Variants in NFIA observed in about 807,000 individuals in gnomAD.
The protein encoded by NFIA is nuclear factor I A, also known as nuclear factor 1 A-type.
NFIA carries 8 observed loss-of-function variants against 62.8 expected under a neutral mutation model. The observed-to-expected ratio is 0.13, with a 90% confidence interval of 0.07 to 0.23. The LOEUF (loss-of-function observed/expected upper bound fraction) is 0.23, where lower values mean the gene tolerates loss of function less well. Among genes scored for constraint, NFIA ranks in the 10% least tolerant of loss-of-function variants. The pLI is 1.00. For missense variants in NFIA, 410 were observed against 642.1 expected (o/e 0.64, Z 3.91); for synonymous variants, 235 against 238.1 (o/e 0.99, Z 0.12).
intron 2 of NFIA, among the ~76,000 whole-genome samples, chr1:61,103,490 A>C (rs1157179762): frequency 6.6e-6 from 1 of 152,072 alleles, no homozygotes; most frequent in Non-Finnish European, 1.5e-5. Flanking sequence ...TAATAAAACT[A>C]TTTGTCTACA....
intron 2 of NFIA, among the ~76,000 whole-genome samples, chr1:61,249,729 C>T (rs1014973124): frequency 4.6e-5 from 7 of 152,038 alleles, no homozygotes; most frequent in Admixed American, 1.3e-4. Context: ...TGCTTGAACC[C>T]GGGAGGCGGA....
chr1:61,157,602 C>CT (rs1491165016), intron 2 of NFIA, among the ~76,000 whole-genome samples: 3 of 152,014 alleles, frequency 2.0e-5, no homozygotes, highest in East Asian at 3.9e-4. Flanking sequence ...TAAATTAAAC[C>CT]TTTTTTTGGA....
At chr1:61,303,048 T>C (rs1225300155) in intron 3 of NFIA, among the ~76,000 whole-genome samples, 1 of 152,218 alleles carries the variant, frequency 6.6e-6, no homozygotes, top group Non-Finnish European at 1.5e-5. Context: ...AAATGGTTTT[T>C]TCCTATTTTG....
intron 2 of NFIA, among the ~76,000 whole-genome samples, chr1:61,126,709 GT>G (rs1361344028): frequency 3.3e-5 from 5 of 150,646 alleles, no homozygotes; most frequent in African/African-American, 1.2e-4. Flanking sequence ...AGTTTCTGAA[GT>G]TGCATGCAGA....
intron 4 of NFIA, among the ~76,000 whole-genome samples, chr1:61,348,593 G>A (rs1291222321): frequency 6.6e-6 from 1 of 152,128 alleles, no homozygotes; most frequent in African/African-American, 2.4e-5. Flanking sequence ...ACATCTGGAA[G>A]GTGGGCACAC....
At chr1:61,304,451 T>A (rs1166368868) in intron 3 of NFIA, among the ~76,000 whole-genome samples, 2 of 152,224 alleles carry the variant, frequency 1.3e-5, no homozygotes, top group Non-Finnish European at 2.9e-5. Flanking sequence ...GAATTCCTTT[T>A]CAAAGAGCTG....
intron 7 of NFIA, among the ~76,000 whole-genome samples, chr1:61,390,168 C>T (rs1440193953): frequency 6.6e-6 from 1 of 152,178 alleles, no homozygotes; most frequent in Non-Finnish European, 1.5e-5. Context: ...CAAGTCCAGA[C>T]ACACAGGAGA....
intron 2 of NFIA, among the ~76,000 whole-genome samples, chr1:61,271,194 T>C (rs534339883): frequency 7.7e-4 from 118 of 152,336 alleles, no homozygotes; most frequent in Non-Finnish European, 9.0e-4. Context: ...ACAATAGTTA[T>C]GCCATTTCAT....
At chr1:61,319,728 G>C (rs529932355) in intron 3 of NFIA, among the ~76,000 whole-genome samples, 1 of 151,358 alleles carries the variant, frequency 6.6e-6, no homozygotes, top group Admixed American at 6.6e-5. Flanking sequence ...AGATTTGAAG[G>C]GGCTGAAGAA....
intron 3 of NFIA, among the ~76,000 whole-genome samples, chr1:61,325,221 T>C (rs765305799): frequency 3.3e-5 from 5 of 152,228 alleles, no homozygotes; most frequent in Non-Finnish European, 7.3e-5. Context: ...ATTAATAATA[T>C]CTGAATTTGG....
At chr1:61,443,318 T>C (rs1175849984) in intron 10 of NFIA, among the ~76,000 whole-genome samples, 1 of 151,952 alleles carries the variant, frequency 6.6e-6, no homozygotes, top group African/African-American at 2.4e-5. Flanking sequence ...CAAATATTAG[T>C]TCATTTCATC....
intron 3 of NFIA, among the ~76,000 whole-genome samples, chr1:61,314,424 A>T (rs546921678): frequency 1.5e-3 from 229 of 152,340 alleles, no homozygotes; most frequent in African/African-American, 5.0e-3. Context: ...TAACTTGCTT[A>T]AGGTCACAAA....
rs1393287846 is a variant in NFIA, at chr1:61,277,544, G to C, written c.584G>C (p.Ser195Thr). The C allele has an allele frequency of 6.2e-7, 1 of 1,613,790 alleles. No individual in the cohort carries two copies. Among genetic ancestry groups the C allele is most frequent in the African/African-American group, 1.3e-5 (1 of 74,986 alleles). Residue 195 changes from serine to threonine, a missense_variant, in exon 3 of 11, where the codon AGC becomes ACC. Physicochemically the swap from Ser to Thr is moderately conservative, Grantham distance 58. Around this residue, in one of 3 missense-constraint regions of NFIA, gnomAD observed 298 missense variants for 438.1 expected, o/e 0.68. Transcript: ENST00000403491. ...GATTCAAGTCAATCTGAAAGTCCCA[G>C]CCAGCCAAGTGACGCTGACATTAAG... ...AADSSQSESPSQPSDADIKDQ... is the reference protein window; with the variant it reads ...AADSSQSESPTQPSDADIKDQ...
chr1:61,399,028 T>A (rs1665422073), intron 7 of NFIA, among the ~76,000 whole-genome samples: 1 of 152,232 alleles, frequency 6.6e-6, no homozygotes, highest in Admixed American at 6.5e-5. Context: ...TTTTGAAGCT[T>A]TGCCGTATTA....
chr1:61,263,352 C>T lies in NFIA; in HGVS notation c.560-14168C>T, dbSNP rs973325429. Among the ~76,000 whole-genome samples, 3 of 152,098 alleles carry T rather than the reference C, an allele frequency of 2.0e-5. 1 individual carries two copies. Among genetic ancestry groups the T allele is most frequent in the African/African-American group, 7.2e-5 (3 of 41,412 alleles). ...TAGTGCCTTGGCTGTGCTGATGCTG[C>T]CAGGGTTTAAACATTGCTGTGAGGA... On this transcript the variant is annotated intron_variant, in intron 2 of 10. Coordinates refer to ENST00000403491, the MANE Select transcript of NFIA (RefSeq NM_001134673.4).
At chr1:61,318,959 A>G in intron 3 of NFIA, among the ~76,000 whole-genome samples, 1 of 152,166 alleles carries the variant, frequency 6.6e-6, no homozygotes, top group African/African-American at 2.4e-5. Flanking sequence ...TGTATGGTAA[A>G]ACCAAAACAA....
rs1462468063 is a variant in NFIA at position 61,332,391 on chromosome 1, A to G, written c.626-121A>G. 3 of 888,434 alleles carry G rather than the reference A, an allele frequency of 3.4e-6. No homozygotes were observed. The African/African-American group carries it at 5.0e-5, about 15-fold the overall frequency. The allele number at this position is 888,434 out of a possible 1,614,324, so 55.0% of individuals were successfully genotyped here. On this transcript the variant is annotated intron_variant, in intron 3 of 10. Coordinates refer to ENST00000403491, the MANE Select transcript of NFIA (RefSeq NM_001134673.4). The stretch of plus-strand genomic sequence containing the variant: ...GTGCCCTCCCACATAAACCCCAAGG[A>G]GAGCAGAGAATGAGATTAGGCACCA...
chr1:61,343,234 G>A (rs1277940873), intron 4 of NFIA, among the ~76,000 whole-genome samples: 2 of 152,132 alleles, frequency 1.3e-5, no homozygotes, highest in Non-Finnish European at 2.9e-5. Context: ...TAAAAAGCCT[G>A]AATACACTTA....
At chr1:61,452,885 T>C (rs973590842) in intron 10 of NFIA, among the ~76,000 whole-genome samples, 9 of 151,950 alleles carry the variant, frequency 5.9e-5, no homozygotes, top group Admixed American at 3.3e-4. Flanking sequence ...ATTTTTTTTT[T>C]CTAATTCCCT....
Sources: gnomAD v4.1 joint callset for allele counts (sites outside exome capture counted in the v4.1 genomes callset) on GRCh38, gnomAD v4.1.1 for gene constraint, gnomAD v4.1.1 regional missense constraint, MANE v1.5 for transcripts, NCBI Gene and HGNC (gene_info 2026-07-23, HGNC 2026-07-21) for gene names.